Variants in GRID2IP observed in about 807,000 individuals in gnomAD.
GRID2IP encodes the protein delphilin.
A neutral mutation model predicts 114.3 loss-of-function variants in GRID2IP; 78 were observed. The ratio of observed to expected loss-of-function variants is 0.68; its 90% CI spans 0.57 to 0.82. The LOEUF (loss-of-function observed/expected upper bound fraction) is 0.82. Ranked by LOEUF, GRID2IP falls within the 40% of genes least tolerant of loss-of-function variation. The probability of loss-of-function intolerance (pLI) is 0.00; values close to 1 mark genes in which losing one functional copy is unlikely to be tolerated. For synonymous variants in GRID2IP, 809 were observed against 724.0 expected (o/e 1.12, Z -1.89); for missense variants, 1,727 against 1,678.5 (o/e 1.03, Z -0.51).
At chr7:6,514,135 C>T (rs1400614662) in intron 8 of GRID2IP, among the ~76,000 whole-genome samples, 2 of 152,032 alleles carry the variant, frequency 1.3e-5, no homozygotes, top group South Asian at 2.1e-4. Context: ...CGCCTTTAGT[C>T]CCAGCTACTC....
chr7:6,537,840 A>G (rs1779751845), intron 2 of GRID2IP, among the ~76,000 whole-genome samples: 1 of 151,904 alleles, frequency 6.6e-6, no homozygotes, highest in Non-Finnish European at 1.5e-5. Flanking sequence ...ACAGAGCGAG[A>G]CTCCGATTCA....
In GRID2IP at chr7:6,510,303, G is replaced by A; in HGVS notation, c.1751C>T (p.Pro584Leu). The change falls in exon 11 of 22, where the codon CCC (proline) becomes CTC (leucine). Residue 584 changes from proline to leucine, a missense_variant. Pro to Leu is a moderately conservative substitution (Grantham distance 98, BLOSUM62 -3). Coordinates refer to ENST00000457091, the MANE Select transcript of GRID2IP (RefSeq NM_001145118.2). ...VSKSRASPPG[P>L]SPAVTTGPRT... ...CCTACCTGTGGTGACTGCTGGGCTG[G>A]GGCCTGGAGGGGAAGCCCGGGATTT... 6.5e-7 allele frequency: 1 copy of A among 1,545,880 alleles called. No homozygotes were observed. Among genetic ancestry groups the A allele is most frequent in the Non-Finnish European group, 8.7e-7 (1 of 1,144,784 alleles).
chr7:6,539,962 A>G, intron 1 of GRID2IP, 90 bp from the exon 2 acceptor site: 1 of 1,246,982 alleles, frequency 8.0e-7, no homozygotes, highest in South Asian at 1.5e-5. Flanking sequence ...CCCTCAGTTT[A>G]CCTACACGGG....
Position 6,528,027 on chromosome 7 carries a change from G to A in GRID2IP, c.585-1258C>T, listed in dbSNP as rs1779549000. 6.6e-6 allele frequency among the ~76,000 whole-genome samples: 1 copy of A among 151,938 alleles called. No homozygotes were observed. Among genetic ancestry groups the A allele is most frequent in the Non-Finnish European group, 1.5e-5 (1 of 67,994 alleles). On this transcript the variant is annotated intron_variant, in intron 2 of 21. Coordinates refer to ENST00000457091, the MANE Select transcript of GRID2IP (RefSeq NM_001145118.2). The surrounding 1 kb of genome is among the most constrained non-coding windows in gnomAD (Gnocchi z 6.0). ...CCCGCCTCGGCCTCCCAAAGTCCTG[G>A]GATTAGACGTGAGCCACTGTGCCCG...
Position 6,534,945 on chromosome 7 carries a change from GCA to G in GRID2IP, c.584+4771_584+4772del, listed in dbSNP as rs1369517668. On this transcript the variant is annotated intron_variant, in intron 2 of 21. Coordinates refer to ENST00000457091, the MANE Select transcript of GRID2IP (RefSeq NM_001145118.2). This position sits in a 1 kb window ranked among gnomAD's most constrained non-coding sequence, Gnocchi z 4.5. ...CTGTTGCCCAGGCTGGAGTGCAATG[GCA>G]CGATCTCGGCTCACTGCAATCTCCG... 6.6e-6 allele frequency among the ~76,000 whole-genome samples: 1 copy of G among 152,190 alleles called. No individual in the cohort carries two copies.
In GRID2IP at chr7:6,504,866, C is replaced by A; in HGVS notation, c.2637G>T (p.Pro879=). The change falls in exon 15 of 22, where the codon CCG becomes CCT. Residue 879 remains proline (P), a synonymous_variant. Coordinates refer to ENST00000457091, the MANE Select transcript of GRID2IP (RefSeq NM_001145118.2). ...LHFGTQKPAK[P]VPGPEPFRKK... The stretch of plus-strand genomic sequence containing the variant: ...TCCGGAAGGGCTCCGGCCCCGGCAC[C>A]GGTTCTGGAAAAGAAACTGACAGTT... 6.4e-7 allele frequency: 1 copy of A among 1,551,236 alleles called. No homozygotes were observed. Among genetic ancestry groups the A allele is most frequent in the Non-Finnish European group, 8.7e-7 (1 of 1,146,802 alleles).
In GRID2IP at chr7:6,497,707, G is replaced by C; in HGVS notation, c.*67C>G. The stretch of plus-strand genomic sequence containing the variant: ...GGCACAGTGGCCCCGGACCTCGGCA[G>C]TGTCTGGGCTGCCCTCTCGGCCTCC... On this transcript the variant is annotated 3_prime_UTR_variant, in exon 22 of 22. Transcript: ENST00000457091. 8.1e-7 allele frequency: 1 copy of C among 1,237,600 alleles called. No homozygotes were observed. Among genetic ancestry groups the C allele is most frequent in the Non-Finnish European group, 1.1e-6 (1 of 879,932 alleles). 76.7% of individuals were successfully genotyped at this position (1,237,600 alleles called of 1,614,324 possible). A position where few individuals can be genotyped will look rare whatever the true frequency, so the allele number is the denominator to read the frequency against.
At position 6,534,916 on chromosome 7, in the gene GRID2IP, A is replaced by C. The variant is rs529333219; in HGVS notation, c.584+4802T>G. ...TTTATTTATTTTGAGATAGAGTTTC[A>C]CTCCTGTTGCCCAGGCTGGAGTGCA... On this transcript the variant is annotated intron_variant, in intron 2 of 21. Coordinates refer to ENST00000457091, the MANE Select transcript of GRID2IP (RefSeq NM_001145118.2). This position sits in a 1 kb window ranked among gnomAD's most constrained non-coding sequence, Gnocchi z 4.5. Among the ~76,000 whole-genome samples the C allele has an allele frequency of 2.0e-5, 3 of 150,040 alleles. No individual in the cohort carries two copies. In the South Asian group the frequency reaches 6.4e-4, roughly 32 times the overall value.
In GRID2IP at chr7:6,497,667, G is replaced by T; in HGVS notation, c.*107C>A. The T allele has an allele frequency of 1.3e-6, 1 of 769,928 alleles. No homozygotes were observed. The highest frequency in any genetic ancestry group is 2.0e-6 in the Non-Finnish European group (1 of 488,264). 47.7% of individuals were successfully genotyped at this position (769,928 alleles called of 1,614,324 possible). ...GGTAGCTGCAGGAGAGGCTGGCGGT[G>T]TGCTCAGAGCCCGGGGCACAGTGGC... On this transcript the variant is annotated 3_prime_UTR_variant, in exon 22 of 22. Transcript: ENST00000457091.
At chr7:6,505,751 A>G in intron 14 of GRID2IP, 69 bp downstream of exon 14, 1 of 964,038 alleles carries the variant, frequency 1.0e-6, no homozygotes, top group South Asian at 1.4e-5. Flanking sequence ...GCCCTGGGAG[A>G]TGCTAAGCCT....
chr7:6,504,237 G>A (rs2115355352), intron 15 of GRID2IP, among the ~76,000 whole-genome samples: 1 of 149,738 alleles, frequency 6.7e-6, no homozygotes, highest in South Asian at 2.1e-4. Flanking sequence ...GCGGGTAGGA[G>A]CAAGGAAACT....
Position 6,508,129 on chromosome 7 carries a change from T to A in GRID2IP, c.2400A>T (p.Pro800=). 4.8e-6 allele frequency: 1 copy of A among 208,516 alleles called. No homozygotes were observed. The highest frequency in any genetic ancestry group is 7.6e-6 in the Non-Finnish European group (1 of 131,764). 12.9% of individuals were successfully genotyped at this position (208,516 alleles called of 1,614,324 possible). A position where few individuals can be genotyped will look rare whatever the true frequency, so the allele number is the denominator to read the frequency against. The change falls in exon 13 of 22, where the codon CCA becomes CCT. Residue 800 remains proline (P), a synonymous_variant. Transcript: ENST00000457091. This position sits in a 1 kb window ranked among gnomAD's most constrained non-coding sequence, Gnocchi z 5.6. Reference sequence around the variant, plus strand: ...AGGGCACGGGTGGGGGCAGGGGCGGTGGGGGTGGTGGAGGGACTGGGTGGC... The same window carrying A: ...AGGGCACGGGTGGGGGCAGGGGCGGAGGGGGTGGTGGAGGGACTGGGTGGC... ...QLSHPVPPPP[P]PPLPPPVPCA... is the part of the protein sequence containing the mutation.
chr7:6,505,764 G>C (rs1024326719), intron 14 of GRID2IP, 56 bp downstream of exon 14: 1 of 1,139,686 alleles, frequency 8.8e-7, no homozygotes, highest in Non-Finnish European at 1.3e-6. Flanking sequence ...CTAAGCCTGG[G>C]GCTGCCACAG....
chr7:6,538,325 C>T (rs1446869942), intron 2 of GRID2IP, among the ~76,000 whole-genome samples: 3 of 152,190 alleles, frequency 2.0e-5, no homozygotes, highest in Non-Finnish European at 2.9e-5. Context: ...AAGATCATGG[C>T]ACTACCCTCC....
chr7:6,514,241 G>A lies in GRID2IP; in HGVS notation c.1423+134C>T, dbSNP rs546680892. On this transcript the variant is annotated intron_variant, in intron 8 of 21. Transcript: ENST00000457091. Reference sequence around the variant, plus strand: ...GCACTCCAGCCTGGGGCACAAGAGTGAGACTCCATTTCAAAACAAACAAAC... The same window carrying A: ...GCACTCCAGCCTGGGGCACAAGAGTAAGACTCCATTTCAAAACAAACAAAC... The A allele has an allele frequency of 2.4e-3, 2,083 of 865,264 alleles. 8 individuals are homozygous for A. The highest frequency in any genetic ancestry group is 3.4e-3 in the South Asian group (163 of 48,558). The allele number at this position is 865,264 out of a possible 1,614,324, so 53.6% of individuals were successfully genotyped here. A position where few individuals can be genotyped will look rare whatever the true frequency, so the allele number is the denominator to read the frequency against.
Position 6,534,374 on chromosome 7 carries a change from C to T in GRID2IP, c.584+5344G>A, listed in dbSNP as rs1386837051. On this transcript the variant is annotated intron_variant, in intron 2 of 21. Transcript: ENST00000457091. This position sits in a 1 kb window ranked among gnomAD's most constrained non-coding sequence, Gnocchi z 4.5. ...TCCTGGCCACGTCACACTTTCCAAA[C>T]TGCCTGGCCTGTCCTAATTAGAAAG... Among the ~76,000 whole-genome samples, 3 of 152,224 alleles carry T rather than the reference C, an allele frequency of 2.0e-5. No homozygotes were observed. Among genetic ancestry groups the T allele is most frequent in the Admixed American group, 2.0e-4 (3 of 15,266 alleles).
chr7:6,503,804 G>C, intron 15 of GRID2IP, 117 bp from the exon 16 acceptor site: 1 of 685,900 alleles, frequency 1.5e-6, no homozygotes, highest in Non-Finnish European at 2.3e-6. Flanking sequence ...GGGCCTAGGG[G>C]AGAGGACGGG....
At chr7:6,546,245 G>A (rs996711975) in intron 1 of GRID2IP, among the ~76,000 whole-genome samples, 6 of 150,770 alleles carry the variant, frequency 4.0e-5, no homozygotes, top group Non-Finnish European at 8.9e-5. Context: ...ATCACCTGAG[G>A]TCAGGAGTTT....
At chr7:6,533,613 T>G (rs1156795011) in intron 2 of GRID2IP, among the ~76,000 whole-genome samples, 1 of 151,906 alleles carries the variant, frequency 6.6e-6, no homozygotes, top group East Asian at 1.9e-4. Flanking sequence ...ATCCTTCTGT[T>G]TCAGCCTCCA....
Sources: gnomAD v4.1 joint callset for allele counts (sites outside exome capture counted in the v4.1 genomes callset) on GRCh38, gnomAD v4.1.1 for gene constraint, Gnocchi (gnomAD v3.1) non-coding constraint, MANE v1.5 for transcripts, NCBI Gene and HGNC (gene_info 2026-07-23, HGNC 2026-07-21) for gene names.